The following SLF1 variants were observed in gnomAD, a reference collection of about 807,000 sequenced individuals.
SLF1 encodes SMC5-SMC6 complex localization factor protein 1.
In SLF1, 105 loss-of-function variants were observed where a neutral mutation model predicts 123.0. The observed-to-expected ratio is 0.85, with a 90% CI of 0.73 to 1.00. The LOEUF is 1.00. SLF1 is among the 50% of genes least tolerant of loss of function. The probability of loss-of-function intolerance (pLI) is 0.00; values close to 1 mark genes in which losing one functional copy is unlikely to be tolerated. For synonymous variants in SLF1, 434 were observed against 406.6 expected (o/e 1.07, Z -0.81); for missense variants, 1,239 against 1,223.0 (o/e 1.01, Z -0.20).
At chr5:94,639,331 C>T (rs1370549436) in intron 4 of SLF1, among the ~76,000 whole-genome samples, 5 of 152,194 alleles carry the variant, frequency 3.3e-5, no homozygotes, top group Non-Finnish European at 5.9e-5. Flanking sequence ...TGAGCCACTG[C>T]AGCCAGCCAT....
intron 1 of SLF1, 149 bp from the exon 2 acceptor site, chr5:94,628,662 A>G: frequency 4.2e-6 from 2 of 472,962 alleles, no homozygotes; most frequent in Non-Finnish European, 7.3e-6. Flanking sequence ...AAGTAATTTT[A>G]ATATTGTTTT....
chr5:94,621,261 C>CA (rs1791759954), intron 1 of SLF1, among the ~76,000 whole-genome samples: 1 of 152,132 alleles, frequency 6.6e-6, no homozygotes, highest in African/African-American at 2.4e-5. Flanking sequence ...AAAAGGCATA[C>CA]AGTTTTTGCA....
chr5:94,662,842 G>T (rs1342272203), intron 10 of SLF1, among the ~76,000 whole-genome samples: 1 of 152,118 alleles, frequency 6.6e-6, no homozygotes, highest in Non-Finnish European at 1.5e-5. Context: ...TTCTAAACTT[G>T]ATTTTTTAAT....
intron 20 of SLF1, among the ~76,000 whole-genome samples, chr5:94,694,446 A>G (rs1229855254): frequency 6.6e-6 from 1 of 151,874 alleles, no homozygotes; most frequent in Non-Finnish European, 1.5e-5. Context: ...CCTCTTGGTG[A>G]TATTTTGAGA....
intron 4 of SLF1, among the ~76,000 whole-genome samples, chr5:94,642,585 TAA>T (rs578046261): frequency 1.3e-5 from 2 of 152,292 alleles, no homozygotes; most frequent in East Asian, 3.9e-4. Context: ...ATGGGGTCAA[TAA>T]AAGTTAGGAT....
At chr5:94,632,968 C>T (rs371347763) in intron 4 of SLF1, among the ~76,000 whole-genome samples, 2 of 151,980 alleles carry the variant, frequency 1.3e-5, no homozygotes, top group East Asian at 3.9e-4. Context: ...GAATTACAGG[C>T]TTGAGCCACC....
intron 9 of SLF1, among the ~76,000 whole-genome samples, chr5:94,661,045 C>T (rs1373837380): frequency 6.6e-6 from 1 of 152,128 alleles, no homozygotes; most frequent in Non-Finnish European, 1.5e-5. Flanking sequence ...CACTGTTGGG[C>T]CACAGAGCAG....
At chr5:94,650,362 ATTTT>A (rs10603196) in intron 6 of SLF1, among the ~76,000 whole-genome samples, 4,374 of 128,998 alleles carry the variant, frequency 0.034, 85 homozygotes, top group Non-Finnish European at 0.053. Flanking sequence ...AATTTGGAAC[ATTTT>A]TTTTTTTTTT....
chr5:94,686,712 G>A lies in SLF1; in HGVS notation c.2115G>A (p.Gln705=), dbSNP rs377552059. Reference sequence around the variant, plus strand: ...TTTCTTCTGAGCCACTCTCTCTTCAGAAAATGGTAAGTACCTCTCTATTCT... The same window carrying A: ...TTTCTTCTGAGCCACTCTCTCTTCAAAAAATGGTAAGTACCTCTCTATTCT... ...GSVSSEPLSL[Q]KMVYSYLPAL... is the part of the protein sequence containing the mutation. The change falls in exon 16 of 21, where the codon CAG becomes CAA. Residue 705 remains glutamine, a synonymous_variant. Coordinates refer to ENST00000265140, the MANE Select transcript of SLF1 (RefSeq NM_032290.4). The A allele has an allele frequency of 1.9e-6, 3 of 1,613,500 alleles. No homozygotes were observed. The highest frequency in any genetic ancestry group is 2.5e-6 in the Non-Finnish European group (3 of 1,179,794).
chr5:94,649,639 TTA>T (rs1454107277), intron 6 of SLF1, 42 bp downstream of exon 6: 4 of 1,394,328 alleles, frequency 2.9e-6, no homozygotes, highest in Non-Finnish European at 2.8e-6. Flanking sequence ...CTGATGTTTC[TTA>T]TAGAATTGTT....
At chr5:94,629,817 C>T (rs1745010792) in intron 3 of SLF1, 1 of 152,192 alleles carries the variant, frequency 6.6e-6, no homozygotes, top group Admixed American at 6.5e-5. Flanking sequence ...CATACATTGT[C>T]CATAATGTTC....
chr5:94,660,977 A>G (rs1418957591), intron 9 of SLF1, among the ~76,000 whole-genome samples: 1 of 152,090 alleles, frequency 6.6e-6, no homozygotes, highest in Non-Finnish European at 1.5e-5. Context: ...TCCAGCTGGC[A>G]TCATGACACT....
intron 4 of SLF1, among the ~76,000 whole-genome samples, chr5:94,636,552 C>G (rs10056685): frequency 0.31 from 47,729 of 151,826 alleles, 7,897 homozygotes; most frequent in African/African-American, 0.4. Context: ...TTGAAGTCTT[C>G]TGTTGCATTT....
intron 14 of SLF1, among the ~76,000 whole-genome samples, chr5:94,677,373 G>A (rs12520602): frequency 0.051 from 7,706 of 152,156 alleles, 276 homozygotes; most frequent in Non-Finnish European, 0.08. Context: ...ATGTGAAAAG[G>A]TTTTAATAAA....
At chr5:94,630,441 T>A in intron 3 of SLF1, 62 bp from the exon 4 acceptor site, 1 of 1,476,224 alleles carries the variant, frequency 6.8e-7, no homozygotes, top group Non-Finnish European at 9.1e-7. Context: ...ATTTGATCTT[T>A]ATTGTTTATC....
At chr5:94,641,913 G>C (rs1746494405) in intron 4 of SLF1, among the ~76,000 whole-genome samples, 1 of 152,196 alleles carries the variant, frequency 6.6e-6, no homozygotes, top group Admixed American at 6.5e-5. Context: ...GATCTCTCTT[G>C]TGTATTGATA....
intron 4 of SLF1, among the ~76,000 whole-genome samples, chr5:94,633,204 C>T (rs1561424865): frequency 6.6e-6 from 1 of 151,838 alleles, no homozygotes. Flanking sequence ...TTAGGCTGGT[C>T]TCAAACTCCC....
intron 4 of SLF1, among the ~76,000 whole-genome samples, chr5:94,635,830 C>A (rs1354600837): frequency 6.6e-5 from 10 of 152,102 alleles, no homozygotes; most frequent in Non-Finnish European, 1.5e-4. Context: ...AAAATTGCTT[C>A]ACACACCACC....
chr5:94,689,346 G>A, intron 17 of SLF1, 127 bp from the exon 18 acceptor site: 3 of 944,982 alleles, frequency 3.2e-6, no homozygotes, highest in South Asian at 2.8e-5. Flanking sequence ...TTAGAAAGCA[G>A]TAAAGATTGA....
Sources: gnomAD v4.1 joint callset for allele counts (sites outside exome capture counted in the v4.1 genomes callset) on GRCh38, gnomAD v4.1.1 for gene constraint, MANE v1.5 for transcripts, NCBI Gene and HGNC (gene_info 2026-07-23, HGNC 2026-07-21) for gene names.